Variants in GALNTL6 observed in about 807,000 individuals in gnomAD.
The protein encoded by GALNTL6 is polypeptide N-acetylgalactosaminyltransferase-like 6.
Under a neutral mutation model 73.7 loss-of-function variants are expected in GALNTL6, and 46 were observed. That is an observed-to-expected ratio of 0.62 (90% CI 0.49 to 0.80). The LOEUF (loss-of-function observed/expected upper bound fraction) is 0.80. Among genes scored for constraint, GALNTL6 ranks in the 30% least tolerant of loss-of-function variants. The probability of loss-of-function intolerance (pLI) is 0.00; values close to 1 mark genes in which losing one functional copy is unlikely to be tolerated. For synonymous variants in GALNTL6, 259 were observed against 263.7 expected, an observed-to-expected ratio of 0.98 and a Z score of 0.17; for missense variants, 604 against 755.0, an observed-to-expected ratio of 0.80 and a Z score of 2.34.
At chr4:172,307,684 C>G (rs1578937572) in intron 3 of GALNTL6, among the ~76,000 whole-genome samples, 1 of 152,226 alleles carries the variant, frequency 6.6e-6, no homozygotes, top group Non-Finnish European at 1.5e-5. Context: ...GCCTTTATTT[C>G]TGGGCTCTCA....
intron 2 of GALNTL6, among the ~76,000 whole-genome samples, chr4:171,932,523 C>T (rs552714289): frequency 3.9e-5 from 6 of 152,278 alleles, no homozygotes; most frequent in Non-Finnish European, 7.3e-5. Context: ...TTGGAAGCAG[C>T]GGGAGTCTGA....
intron 7 of GALNTL6, among the ~76,000 whole-genome samples, chr4:172,828,565 A>T (rs1385577826): frequency 5.9e-5 from 9 of 151,694 alleles, no homozygotes; most frequent in Admixed American, 1.3e-4. Flanking sequence ...AAATTAGCAT[A>T]AAAAAAGAGA....
intron 5 of GALNTL6, among the ~76,000 whole-genome samples, chr4:172,722,508 C>T (rs1467816737): frequency 2.0e-5 from 3 of 152,062 alleles, no homozygotes; most frequent in African/African-American, 7.2e-5. Context: ...GTGAGTCTCC[C>T]TCTCTCTTTC....
At chr4:172,730,194 C>T (rs1736064637) in intron 5 of GALNTL6, among the ~76,000 whole-genome samples, 1 of 152,088 alleles carries the variant, frequency 6.6e-6, no homozygotes, top group African/African-American at 2.4e-5. Flanking sequence ...ATTAGACTTC[C>T]TCCTTTCCAA....
chr4:172,286,233 A>T (rs1302591861), intron 3 of GALNTL6, among the ~76,000 whole-genome samples: 1 of 152,190 alleles, frequency 6.6e-6, no homozygotes, highest in African/African-American at 2.4e-5. Context: ...AAGATTGTCT[A>T]CATAATAGTT....
In GALNTL6 at chr4:172,301,636, C is replaced by T. The variant is rs185852912; in HGVS notation, c.248-9978C>T. Among the ~76,000 whole-genome samples, 21 of 152,284 alleles carry T rather than the reference C, an allele frequency of 1.4e-4. No homozygotes were observed. The East Asian group carries it at 3.7e-3, about 27-fold the overall frequency. On this transcript the variant is annotated intron_variant, in intron 3 of 12. Coordinates refer to ENST00000506823, the MANE Select transcript of GALNTL6 (RefSeq NM_001034845.3). ...GTTGGAGTTTGCTGGAGGTCCACTC[C>T]AGACCCTGTTTTCCTGGGTATCAGC...
intron 5 of GALNTL6, among the ~76,000 whole-genome samples, chr4:172,725,308 G>A (rs1160080255): frequency 2.0e-5 from 3 of 151,972 alleles, no homozygotes; most frequent in Admixed American, 1.3e-4. Flanking sequence ...TTGGCTCTCC[G>A]TGCCACCCCC....
At chr4:172,381,414 C>T (rs1478106320) in intron 5 of GALNTL6, among the ~76,000 whole-genome samples, 3 of 152,150 alleles carry the variant, frequency 2.0e-5, no homozygotes, top group Non-Finnish European at 2.9e-5. Flanking sequence ...CACCCAAGAG[C>T]AGTCACTCCC....
intron 2 of GALNTL6, among the ~76,000 whole-genome samples, chr4:171,986,031 C>T (rs1478272732): frequency 1.6e-5 from 1 of 62,856 alleles, no homozygotes; most frequent in Admixed American, 3.0e-4. Context: ...GAGCCAGACT[C>T]TGTCTCAAAA....
chr4:173,021,713 G>A, intron 12 of GALNTL6, 88 bp downstream of exon 12: 1 of 1,381,066 alleles, frequency 7.2e-7, no homozygotes, highest in Non-Finnish European at 1.0e-6. Context: ...ACCGTTTTAG[G>A]CCTGGCGCAG....
chr4:171,993,579 A>G (rs1338379604), intron 2 of GALNTL6, among the ~76,000 whole-genome samples: 1 of 152,262 alleles, frequency 6.6e-6, no homozygotes, highest in South Asian at 2.1e-4. Context: ...TAGCCAAATG[A>G]TGAATTCAGC....
chr4:172,247,551 T>C (rs1737704397), intron 3 of GALNTL6, among the ~76,000 whole-genome samples: 1 of 152,152 alleles, frequency 6.6e-6, no homozygotes, highest in African/African-American at 2.4e-5. Flanking sequence ...GAAACCAATG[T>C]CCAATAGACA....
At chr4:172,393,351 T>C (rs1743735141) in intron 5 of GALNTL6, among the ~76,000 whole-genome samples, 1 of 152,128 alleles carries the variant, frequency 6.6e-6, no homozygotes, top group South Asian at 2.1e-4. Context: ...ACAAAGTGCC[T>C]CCTCTGCTTC....
chr4:172,020,447 A>G (rs1218476004), intron 2 of GALNTL6, among the ~76,000 whole-genome samples: 1 of 151,942 alleles, frequency 6.6e-6, no homozygotes, highest in Non-Finnish European at 1.5e-5. Flanking sequence ...GAGAAAATCC[A>G]AATACATAAA....
At chr4:171,981,565 T>G (rs1194433783) in intron 2 of GALNTL6, among the ~76,000 whole-genome samples, 1 of 152,216 alleles carries the variant, frequency 6.6e-6, no homozygotes, top group African/African-American at 2.4e-5. Flanking sequence ...AGGAAGCAGA[T>G]TTGCCTTGGC....
rs1736705979 is a variant in GALNTL6 at position 172,222,386 on chromosome 4, C to T, written c.139-7270C>T. On this transcript the variant is annotated intron_variant, in intron 2 of 12. Transcript: ENST00000506823. ...AGTGTGGGTGTGAAAGCAACCTTTT[C>T]TTGCAAATAAATCCCATAAGGAAAT... 2.0e-5 allele frequency among the ~76,000 whole-genome samples: 3 copies of T among 151,870 alleles called. 1 individual carries two copies. The South Asian group carries it at 6.2e-4, about 32-fold the overall frequency.
At chr4:172,770,303 G>T (rs934021168) in intron 5 of GALNTL6, among the ~76,000 whole-genome samples, 2 of 83,006 alleles carry the variant, frequency 2.4e-5, no homozygotes, top group Non-Finnish European at 5.8e-5. Flanking sequence ...AAATAAATAA[G>T]CTTTTATAGA....
At chr4:172,343,998 T>G (rs1261869777) in intron 4 of GALNTL6, among the ~76,000 whole-genome samples, 1 of 152,182 alleles carries the variant, frequency 6.6e-6, no homozygotes, top group Admixed American at 6.5e-5. Context: ...AATGCTTATC[T>G]GAAAATAATA....
chr4:172,649,423 G>A (rs937812026), intron 5 of GALNTL6, among the ~76,000 whole-genome samples: 2 of 152,248 alleles, frequency 1.3e-5, no homozygotes, highest in East Asian at 1.9e-4. Flanking sequence ...TACACTAACC[G>A]ATTATGGTGA....
Sources: gnomAD v4.1 joint callset for allele counts (sites outside exome capture counted in the v4.1 genomes callset) on GRCh38, gnomAD v4.1.1 for gene constraint, MANE v1.5 for transcripts, NCBI Gene and HGNC (gene_info 2026-07-23, HGNC 2026-07-21) for gene names.